The following WDFY4 variants were observed in gnomAD, a reference collection of about 807,000 sequenced individuals.
The protein encoded by WDFY4 is WDFY family member 4.
A neutral mutation model predicts 351.9 loss-of-function variants in WDFY4; 169 were observed. The ratio of observed to expected loss-of-function variants is 0.48; its 90% CI spans 0.42 to 0.55. The LOEUF is 0.55. WDFY4 is among the 20% of genes least tolerant of loss of function. The pLI is 0.00. For synonymous variants in WDFY4, 1,622 were observed against 1,574.6 expected, an observed-to-expected ratio of 1.03 and a Z score of -0.71; for missense variants, 3,803 against 3,935.6, an observed-to-expected ratio of 0.97 and a Z score of 0.90.
chr10:48,979,995 C>G (rs1485561625), intron 60 of WDFY4: 1 of 152,132 alleles, frequency 6.6e-6, no homozygotes, highest in African/African-American at 2.4e-5. Context: ...ATTTTTCTCT[C>G]TGGACACAGC....
chr10:48,812,257 T>A (rs1035704727), intron 30 of WDFY4, among the ~76,000 whole-genome samples: 1 of 149,894 alleles, frequency 6.7e-6, no homozygotes. Context: ...TGGCGTGATC[T>A]CGGCTCACTG....
chr10:48,752,447 T>C (rs1565160168), intron 12 of WDFY4, among the ~76,000 whole-genome samples: 1 of 152,244 alleles, frequency 6.6e-6, no homozygotes, highest in Non-Finnish European at 1.5e-5. Context: ...AACAATTCCA[T>C]AGAATTTAAT....
In WDFY4 at chr10:48,684,886, G is replaced by C. The variant is rs1263546579; in HGVS notation, c.-133G>C. 6.6e-6 allele frequency: 1 copy of C among 152,368 alleles called. No individual in the cohort carries two copies. Among genetic ancestry groups the C allele is most frequent in the Non-Finnish European group, 1.5e-5 (1 of 68,148 alleles). The allele number at this position is 152,368 out of a possible 1,614,324, so 9.4% of individuals were successfully genotyped here. A position where few individuals can be genotyped will look rare whatever the true frequency, so the allele number is the denominator to read the frequency against. On this transcript the variant is annotated 5_prime_UTR_variant, in exon 1 of 62. Coordinates refer to ENST00000325239, the MANE Select transcript of WDFY4 (RefSeq NM_001394531.1). ...CTCCAGTGATTCAGAGTGAAACGGCGCTGAGGACTGACGATGTGGGGCCGG... is the reference window on the plus strand; with the variant it reads ...CTCCAGTGATTCAGAGTGAAACGGCCCTGAGGACTGACGATGTGGGGCCGG...
chr10:48,814,671 T>C (rs114360271), intron 31 of WDFY4, among the ~76,000 whole-genome samples: 1,642 of 152,348 alleles, frequency 0.011, 39 homozygotes, highest in African/African-American at 0.036. Context: ...CTTCATCCTG[T>C]AGGCACCAAA....
At chr10:48,945,797 A>G (rs1841013142) in intron 49 of WDFY4, among the ~76,000 whole-genome samples, 1 of 152,222 alleles carries the variant, frequency 6.6e-6, no homozygotes, top group South Asian at 2.1e-4. Flanking sequence ...ATTTGGGTCA[A>G]CTTGGAACAG....
chr10:48,724,309 T>G (rs1384475049), intron 5 of WDFY4, among the ~76,000 whole-genome samples: 1 of 152,098 alleles, frequency 6.6e-6, no homozygotes, highest in Non-Finnish European at 1.5e-5. Flanking sequence ...AATTCCCAAA[T>G]GCAGCTGTCC....
chr10:48,700,326 C>T (rs1430179754), intron 1 of WDFY4, among the ~76,000 whole-genome samples: 1 of 152,210 alleles, frequency 6.6e-6, no homozygotes, highest in Non-Finnish European at 1.5e-5. Context: ...GGGCCCTTTA[C>T]CACATCCTGC....
chr10:48,731,640 C>T, intron 9 of WDFY4, 78 bp downstream of exon 9: 1 of 1,431,774 alleles, frequency 7.0e-7, no homozygotes. Context: ...TCTGGCTGCC[C>T]ATCAAATGCA....
intron 42 of WDFY4, among the ~76,000 whole-genome samples, chr10:48,875,951 C>T (rs553336487): frequency 8.5e-5 from 13 of 152,320 alleles, no homozygotes; most frequent in South Asian, 4.2e-4. Context: ...GAATGATTGC[C>T]TGCCTGCTCC....
intron 47 of WDFY4, among the ~76,000 whole-genome samples, chr10:48,916,154 G>A (rs557138810): frequency 6.6e-6 from 1 of 152,250 alleles, no homozygotes; most frequent in African/African-American, 2.4e-5. Flanking sequence ...TCAAAGTAAA[G>A]ACCAATCTGG....
rs1476322566 is a variant in WDFY4 at position 48,787,980 on chromosome 10, T to TCTTCTCCTTCTCCTTCTCCTTCTC, written c.3809-522_3809-499dup. On this transcript the variant is annotated intron_variant, in intron 20 of 61. Coordinates refer to ENST00000325239, the MANE Select transcript of WDFY4 (RefSeq NM_001394531.1). ...TTCTTCTTCTTCTTCTTCTTCTTCTTCTTCTCCTTCTCCTTCTCCTTCTCC... is the reference window on the plus strand; with the variant it reads ...TTCTTCTTCTTCTTCTTCTTCTTCTTCTTCTCCTTCTCCTTCTCCTTCTCCTTCTCCTTCTCCTTCTCCTTCTCC... Among the ~76,000 whole-genome samples the TCTTCTCCTTCTCCTTCTCCTTCTC allele has an allele frequency of 8.9e-4, 47 of 52,976 alleles. 1 individual carries two copies. Among genetic ancestry groups the TCTTCTCCTTCTCCTTCTCCTTCTC allele is most frequent in the African/African-American group, 2.9e-3 (37 of 12,830 alleles). 34.8% of individuals were successfully genotyped at this position (52,976 alleles called of 152,430 possible).
chr10:48,807,573 A>C (rs1244809292), intron 27 of WDFY4, among the ~76,000 whole-genome samples: 1 of 152,240 alleles, frequency 6.6e-6, no homozygotes, highest in Non-Finnish European at 1.5e-5. Flanking sequence ...AATTTAAAAA[A>C]TTCTTCTACT....
intron 24 of WDFY4, among the ~76,000 whole-genome samples, chr10:48,797,051 G>A (rs190221970): frequency 6.6e-6 from 1 of 152,316 alleles, no homozygotes; most frequent in African/African-American, 2.4e-5. Flanking sequence ...CATAGCCAAT[G>A]TAACACTGCA....
chr10:48,869,691 A>C (rs1454670004), intron 40 of WDFY4, among the ~76,000 whole-genome samples: 4 of 152,070 alleles, frequency 2.6e-5, no homozygotes, highest in Non-Finnish European at 5.9e-5. Flanking sequence ...TACTTAGGCC[A>C]TCCAGTTCTT....
At chr10:48,821,237 A>C in intron 34 of WDFY4, 61 bp downstream of exon 34, 13 of 1,348,538 alleles carry the variant, frequency 9.6e-6, no homozygotes, top group Non-Finnish European at 1.3e-5. Context: ...GTGGAGAGGA[A>C]ACCAGCATGC....
chr10:48,787,893 CCT>C (rs2066497125), intron 20 of WDFY4, among the ~76,000 whole-genome samples: 4 of 48,144 alleles, frequency 8.3e-5, no homozygotes, highest in African/African-American at 3.4e-4. Context: ...TTCTTCTTCT[CCT>C]TCTTCTTCTT....
chr10:48,788,517 T>G lies in WDFY4; in HGVS notation c.3809-13T>G. 6.4e-7 allele frequency: 1 copy of G among 1,550,646 alleles called. No individual in the cohort carries two copies. The highest frequency in any genetic ancestry group is 8.7e-7 in the Non-Finnish European group (1 of 1,146,292). On this transcript the variant is annotated splice_polypyrimidine_tract_variant and intron_variant, in intron 20 of 61. Transcript: ENST00000325239. The stretch of plus-strand genomic sequence containing the variant: ...AAGTTAGACTAGAAATGTTTAAAGA[T>G]GTGTTGTTACAGGGGAGGACCTGGA...
chr10:48,719,936 G>A, intron 2 of WDFY4, 75 bp from the exon 3 acceptor site: 5 of 1,347,426 alleles, frequency 3.7e-6, no homozygotes, highest in Non-Finnish European at 5.2e-6. Flanking sequence ...GCTGGTGAAG[G>A]GTGGCATGGC....
At chr10:48,783,757 TG>T (rs1435120481) in intron 19 of WDFY4, among the ~76,000 whole-genome samples, 1 of 152,226 alleles carries the variant, frequency 6.6e-6, no homozygotes, top group Non-Finnish European at 1.5e-5. Flanking sequence ...TTAGGCTATA[TG>T]GTATAGCTTA....
Sources: gnomAD v4.1 joint callset for allele counts (sites outside exome capture counted in the v4.1 genomes callset) on GRCh38, gnomAD v4.1.1 for gene constraint, MANE v1.5 for transcripts, NCBI Gene and HGNC (gene_info 2026-07-23, HGNC 2026-07-21) for gene names.